Variants in HTR2C observed in about 807,000 individuals in gnomAD.
HTR2C encodes 5-hydroxytryptamine receptor 2C.
Under a neutral mutation model 21.0 loss-of-function variants are expected in HTR2C, and 5 were observed. The observed-to-expected ratio is 0.24, with a 90% CI of 0.12 to 0.50. HTR2C has a LOEUF of 0.50. HTR2C is among the 20% of genes least tolerant of loss of function. HTR2C has a pLI of 0.98. For missense variants in HTR2C, 271 were observed against 371.2 expected, an observed-to-expected ratio of 0.73 and a Z score of 2.22; for synonymous variants, 150 against 145.3, an observed-to-expected ratio of 1.03 and a Z score of -0.23.
At chrX:114,826,835 G>T (rs193184407) in intron 4 of HTR2C, among the ~76,000 whole-genome samples, 1 of 111,370 alleles carries the variant, frequency 9.0e-6, no homozygotes, top group South Asian at 3.7e-4. Flanking sequence ...TTGGACTTAT[G>T]TCTACCGTGT....
chrX:114,828,089 C>A (rs782222631), intron 4 of HTR2C, among the ~76,000 whole-genome samples: 3 of 110,858 alleles, frequency 2.7e-5, no homozygotes, highest in African/African-American at 9.8e-5. Context: ...AAATGTTAAA[C>A]ATATAGTTAT....
chrX:114,773,953 T>C (rs2070030672), intron 4 of HTR2C, among the ~76,000 whole-genome samples: 1 of 108,575 alleles, frequency 9.2e-6, no homozygotes. Flanking sequence ...CAGAAGCCAC[T>C]AGGATAGAGA....
rs1403310648 is a variant in HTR2C, at chrX:114,731,205, A to G, written c.36-89A>G. The G allele has an allele frequency of 7.3e-6, 4 of 549,171 alleles. No individual in the cohort carries two copies. In the East Asian group the frequency reaches 1.3e-4, roughly 18 times the overall value. The allele number at this position is 549,171 out of a possible 1,213,427, so 45.3% of individuals were successfully genotyped here. A position where few individuals can be genotyped will look rare whatever the true frequency, so the allele number is the denominator to read the frequency against. On this transcript the variant is annotated intron_variant, in intron 3 of 5. Coordinates refer to ENST00000276198, the MANE Select transcript of HTR2C (RefSeq NM_000868.4). ...ATGATGATAATGATGACAATGATCC[A>G]TGAAGAAGCAGTTGTTTTGCATGAG...
At chrX:114,726,766 C>G (rs1453085100) in intron 2 of HTR2C, 92 bp from the exon 3 acceptor site, 1 of 393,869 alleles carries the variant, frequency 2.5e-6, no homozygotes. Context: ...TTTCTTATCA[C>G]CATTAAGTGC....
intron 4 of HTR2C, among the ~76,000 whole-genome samples, chrX:114,760,865 A>G (rs1197950944): frequency 9.0e-6 from 1 of 111,175 alleles, no homozygotes; most frequent in African/African-American, 3.3e-5. Flanking sequence ...TCAGACAACA[A>G]CATATTTATA....
intron 4 of HTR2C, among the ~76,000 whole-genome samples, chrX:114,794,373 T>A (rs1403621365): frequency 1.8e-5 from 2 of 110,363 alleles, no homozygotes; most frequent in Non-Finnish European, 3.8e-5. Context: ...CACATGTCTT[T>A]TTTTATTTTA....
intron 4 of HTR2C, among the ~76,000 whole-genome samples, chrX:114,797,035 G>T (rs782247262): frequency 5.4e-5 from 6 of 111,972 alleles, no homozygotes; most frequent in African/African-American, 1.3e-4. Context: ...TGCTGGTAAG[G>T]TTAGTTTCAT....
At chrX:114,596,959 T>C (rs189849309) in intron 1 of HTR2C, among the ~76,000 whole-genome samples, 44 of 111,162 alleles carry the variant, frequency 4.0e-4, no homozygotes, top group Admixed American at 6.7e-4. Context: ...GGCTCACTCC[T>C]GTAATTCCAG....
chrX:114,898,490 T>C (rs782479179), intron 5 of HTR2C, among the ~76,000 whole-genome samples: 7 of 112,104 alleles, frequency 6.2e-5, no homozygotes, highest in Non-Finnish European at 9.4e-5. Flanking sequence ...TTCAGAATGG[T>C]ATTGCCTAGG....
chrX:114,730,596 G>T (rs1158586923), intron 3 of HTR2C, among the ~76,000 whole-genome samples: 1 of 111,142 alleles, frequency 9.0e-6, no homozygotes, highest in Non-Finnish European at 1.9e-5. Context: ...GAAATGAAAG[G>T]GTATTCTTGT....
chrX:114,617,779 TAAC>T lies in HTR2C; in HGVS notation c.-80+3901_-80+3903del, dbSNP rs782194103. 3.6e-5 allele frequency among the ~76,000 whole-genome samples: 4 copies of T among 112,091 alleles called. No individual in the cohort carries two copies. In the South Asian group the frequency reaches 1.5e-3, roughly 41 times the overall value. ...GGAGCAGAGAATTGAGTGTGTTAAG[TAAC>T]AATAATTTGTTCTATATATAGCACA... On this transcript the variant is annotated intron_variant, in intron 2 of 5. Transcript: ENST00000276198.
chrX:114,779,678 A>G (rs1196517039), intron 4 of HTR2C, among the ~76,000 whole-genome samples: 1 of 112,124 alleles, frequency 8.9e-6, no homozygotes, highest in Non-Finnish European at 1.9e-5. Flanking sequence ...GTCAGGTACT[A>G]GCAGCTATCT....
rs1257320965 is a variant in HTR2C, at chrX:114,614,954, T to A, written c.-80+1073T>A. 5.3e-5 allele frequency among the ~76,000 whole-genome samples: 6 copies of A among 112,218 alleles called. No homozygotes were observed. In the East Asian group the frequency reaches 1.7e-3, roughly 31 times the overall value. ...TACAAATATTTAATACCACAAAATGTTTTTAGAATGATAGTTTTGGAGGAA... is the reference window on the plus strand; with the variant it reads ...TACAAATATTTAATACCACAAAATGATTTTAGAATGATAGTTTTGGAGGAA... On this transcript the variant is annotated intron_variant, in intron 2 of 5. Transcript: ENST00000276198.
intron 2 of HTR2C, among the ~76,000 whole-genome samples, chrX:114,645,900 A>G (rs1211025265): frequency 1.8e-5 from 2 of 111,918 alleles, no homozygotes; most frequent in African/African-American, 6.5e-5. Context: ...ATGATTATGA[A>G]TAAAATGGAA....
intron 4 of HTR2C, among the ~76,000 whole-genome samples, chrX:114,806,420 ACT>A (rs1556449689): frequency 1.7e-5 from 1 of 59,798 alleles, no homozygotes; most frequent in Non-Finnish European, 3.1e-5. Context: ...ATATATATAT[ACT>A]GTATATATAT....
chrX:114,777,354 T>C (rs2070069017), intron 4 of HTR2C, among the ~76,000 whole-genome samples: 1 of 111,911 alleles, frequency 8.9e-6, no homozygotes, highest in African/African-American at 3.2e-5. Context: ...GCCCATTCTG[T>C]GTTAAGCATT....
chrX:114,639,589 ACT>A (rs1930011333), intron 2 of HTR2C: 2 of 112,955 alleles, frequency 1.8e-5, no homozygotes, highest in Non-Finnish European at 3.8e-5. Context: ...GATCAGTGGG[ACT>A]GTGAAATTTT....
At chrX:114,712,297 G>T in intron 2 of HTR2C, among the ~76,000 whole-genome samples, 1 of 111,662 alleles carries the variant, frequency 9.0e-6, no homozygotes, top group Non-Finnish European at 1.9e-5. Context: ...AGGCAAAGGT[G>T]TCACACCATA....
rs186813942 is a variant in HTR2C at position 114,669,795 on chromosome X, T to G, written c.-80+55914T>G. 6.3e-4 allele frequency among the ~76,000 whole-genome samples: 71 copies of G among 112,858 alleles called. 1 individual carries two copies. The highest frequency in any genetic ancestry group is 2.2e-3 in the African/African-American group (68 of 31,148). ...GCTAACATTCATTAGACATTATGTA[T>G]CCAGCATTATTCTAAGAGTATTGTA... On this transcript the variant is annotated intron_variant, in intron 2 of 5. Coordinates refer to ENST00000276198, the MANE Select transcript of HTR2C (RefSeq NM_000868.4).
Sources: gnomAD v4.1 joint callset for allele counts (sites outside exome capture counted in the v4.1 genomes callset) on GRCh38, gnomAD v4.1.1 for gene constraint, MANE v1.5 for transcripts, NCBI Gene and HGNC (gene_info 2026-07-23, HGNC 2026-07-21) for gene names.